The following JADE1 variants were observed in gnomAD, a reference collection of about 807,000 sequenced individuals.
JADE1 encodes the protein protein Jade-1.
JADE1 carries 14 observed loss-of-function variants against 81.8 expected under a neutral mutation model. The ratio of observed to expected loss-of-function variants is 0.17; its 90% CI spans 0.11 to 0.27. The LOEUF is 0.27. Ranked by LOEUF, JADE1 falls within the 10% of genes least tolerant of loss-of-function variation. The pLI, the probability that JADE1 is intolerant of heterozygous loss-of-function variation, is 1.00. For missense variants in JADE1, 690 were observed against 1,047.9 expected (o/e 0.66, Z 4.71); for synonymous variants, 353 against 391.9 (o/e 0.90, Z 1.17).
intron 1 of JADE1, among the ~76,000 whole-genome samples, chr4:128,819,275 TG>T (rs1249410915): frequency 3.9e-5 from 2 of 51,454 alleles, no homozygotes; most frequent in Non-Finnish European, 7.7e-5. Flanking sequence ...AGTGCAATGG[TG>T]GTTTTTTTTT....
intron 2 of JADE1, among the ~76,000 whole-genome samples, chr4:128,833,503 G>A (rs929642882): frequency 6.6e-6 from 1 of 152,184 alleles, no homozygotes; most frequent in African/African-American, 2.4e-5. Flanking sequence ...AAGAGATTGA[G>A]ACCATCCTGG....
chr4:128,844,727 C>A (rs769294089), intron 3 of JADE1, among the ~76,000 whole-genome samples: 1 of 152,008 alleles, frequency 6.6e-6, no homozygotes, highest in East Asian at 1.9e-4. Flanking sequence ...TGGTATTACA[C>A]GTGATTTTTG....
intron 2 of JADE1, among the ~76,000 whole-genome samples, chr4:128,842,545 C>T (rs1233466504): frequency 6.6e-6 from 1 of 152,214 alleles, no homozygotes; most frequent in Admixed American, 6.5e-5. Flanking sequence ...GGTGGTCCAC[C>T]TGCCTTGGCT....
At chr4:128,822,930 G>T (rs1479991332) in intron 1 of JADE1, among the ~76,000 whole-genome samples, 1 of 152,190 alleles carries the variant, frequency 6.6e-6, no homozygotes, top group South Asian at 2.1e-4. Context: ...TATATTTTGG[G>T]TTTTTTCCCT....
chr4:128,823,248 T>TA (rs1307991451), intron 1 of JADE1, among the ~76,000 whole-genome samples: 2 of 152,206 alleles, frequency 1.3e-5, no homozygotes, highest in African/African-American at 4.8e-5. Flanking sequence ...TAGATTGCCT[T>TA]AGAGCTCATA....
In JADE1 at chr4:128,831,531, C is replaced by T; in HGVS notation, c.-26-202C>T. 1.7e-5 allele frequency: 9 copies of T among 535,320 alleles called. No individual in the cohort carries two copies. The South Asian group carries it at 2.2e-4, about 13-fold the overall frequency. 33.2% of individuals were successfully genotyped at this position (535,320 alleles called of 1,614,324 possible). A position where few individuals can be genotyped will look rare whatever the true frequency, so the allele number is the denominator to read the frequency against. ...CCTACTGATATGTGACTTCTCCACCCCTCCCCCTCCTTTTTTAACCTGGTT... is the reference window on the plus strand; with the variant it reads ...CCTACTGATATGTGACTTCTCCACCTCTCCCCCTCCTTTTTTAACCTGGTT... On this transcript the variant is annotated intron_variant, in intron 1 of 10. Transcript: ENST00000226319.
intron 9 of JADE1, chr4:128,862,540 G>A (rs1000974832): frequency 1.7e-6 from 2 of 1,186,942 alleles, no homozygotes; most frequent in Non-Finnish European, 2.1e-6. Flanking sequence ...TAGAGCTAGA[G>A]TGAATGAGCC....
chr4:128,813,170 T>C (rs1726637180), intron 1 of JADE1, among the ~76,000 whole-genome samples: 3 of 152,162 alleles, frequency 2.0e-5, no homozygotes, highest in Non-Finnish European at 4.4e-5. Flanking sequence ...TTTGATCATA[T>C]CACAACTGAT....
rs72296886 is a variant in JADE1 at position 128,813,407 on chromosome 4, C to CTTTTTTTT, written c.-27+3543_-27+3550dup. 5.7e-4 allele frequency among the ~76,000 whole-genome samples: 66 copies of CTTTTTTTT among 115,570 alleles called. 4 individuals carry two copies. Among genetic ancestry groups the CTTTTTTTT allele is most frequent in the Non-Finnish European group, 6.4e-4 (38 of 59,306 alleles). 75.8% of individuals were successfully genotyped at this position (115,570 alleles called of 152,430 possible). On this transcript the variant is annotated intron_variant, in intron 1 of 10. Transcript: ENST00000226319. ...TCTTAGTCTCATTTACTTACGGTCACTTTTTTTTTTTTTTTTTTTTGTTCC... is the reference window on the plus strand; with the variant it reads ...TCTTAGTCTCATTTACTTACGGTCACTTTTTTTTTTTTTTTTTTTTTTTTTTTTGTTCC...
At chr4:128,863,528 T>C in intron 9 of JADE1, 2 of 985,406 alleles carry the variant, frequency 2.0e-6, no homozygotes, top group Non-Finnish European at 1.2e-6. Context: ...GAGATCCTTT[T>C]AATACACGAC....
In JADE1 at chr4:128,846,575, CTCT is replaced by C; in HGVS notation, c.296+49_296+51del. ...ACAGAAGCCTCTCCACCCACCCTTG[CTCT>C]TCTTCCCTGACAGCAGGCATCTGAG... On this transcript the variant is annotated intron_variant, in intron 4 of 10. Transcript: ENST00000226319. The surrounding 1 kb of genome is among the most constrained non-coding windows in gnomAD (Gnocchi z 4.0). The C allele has an allele frequency of 6.3e-7, 1 of 1,599,216 alleles. No individual in the cohort carries two copies. Among genetic ancestry groups the C allele is most frequent in the Non-Finnish European group, 8.5e-7 (1 of 1,170,448 alleles).
At chr4:128,859,791 T>C (rs1731171658) in intron 8 of JADE1, among the ~76,000 whole-genome samples, 1 of 152,158 alleles carries the variant, frequency 6.6e-6, no homozygotes, top group African/African-American at 2.4e-5. Flanking sequence ...ATAATGACTT[T>C]TTTGTTGCCA....
intron 6 of JADE1, among the ~76,000 whole-genome samples, chr4:128,855,114 ATTGCCATCTCATTCAGCAGCT>A (rs1017186186): frequency 4.0e-5 from 6 of 151,808 alleles, no homozygotes; most frequent in Non-Finnish European, 8.8e-5. Flanking sequence ...CTCCTGTTCC[ATTGCCATCTCATTCAGCAGCT>A]TTGGGAGATT....
intron 1 of JADE1, among the ~76,000 whole-genome samples, chr4:128,818,789 T>C (rs1309096891): frequency 1.3e-5 from 2 of 152,218 alleles, no homozygotes; most frequent in African/African-American, 4.8e-5. Context: ...CCTCAACCAT[T>C]TCAATATGTG....
intron 3 of JADE1, among the ~76,000 whole-genome samples, chr4:128,845,329 G>A (rs1248041714): frequency 1.3e-5 from 2 of 152,222 alleles, no homozygotes; most frequent in Admixed American, 6.5e-5. Flanking sequence ...AAGGAATTGG[G>A]GAGCTCTCTC....
rs530365441 is a variant in JADE1 at position 128,871,304 on chromosome 4, T to C, written c.1622-51T>C. The C allele has an allele frequency of 1.6e-5, 25 of 1,530,942 alleles. No individual in the cohort carries two copies. The South Asian group carries it at 2.7e-4, about 16-fold the overall frequency. The allele number at this position is 1,530,942 out of a possible 1,614,324, so 94.8% of individuals were successfully genotyped here. A position where few individuals can be genotyped will look rare whatever the true frequency, so the allele number is the denominator to read the frequency against. On this transcript the variant is annotated intron_variant, in intron 10 of 10. Transcript: ENST00000226319. This position sits in a 1 kb window ranked among gnomAD's most constrained non-coding sequence, Gnocchi z 4.1. ...CTAAGGGTGTAGAATTTTATTCTTT[T>C]GGATTTGCTTCTGCTGTAATTTTTC...
rs1732445554 is a variant in JADE1, at chr4:128,874,702, G to A, written c.*2440G>A. 6.6e-6 allele frequency: 1 copy of A among 152,478 alleles called. No homozygotes were observed. Among genetic ancestry groups the A allele is most frequent in the Non-Finnish European group, 1.5e-5 (1 of 68,018 alleles). The allele number at this position is 152,478 out of a possible 1,614,324, so 9.4% of individuals were successfully genotyped here. ...GCAACCAGCCCAAACACCCACTTGC[G>A]TTCTATTAGTATGGAACCATTTGCA... On this transcript the variant is annotated 3_prime_UTR_variant, in exon 11 of 11. Coordinates refer to ENST00000226319, the MANE Select transcript of JADE1 (RefSeq NM_199320.4).
chr4:128,845,933 A>AT (rs1729838658), intron 3 of JADE1, among the ~76,000 whole-genome samples: 1 of 151,996 alleles, frequency 6.6e-6, no homozygotes, highest in Admixed American at 6.6e-5. Flanking sequence ...CAGAAAAAAA[A>AT]AAAAGGAGAT....
At chr4:128,811,425 G>GCC (rs1451007779) in intron 1 of JADE1, 1 of 151,930 alleles carries the variant, frequency 6.6e-6, no homozygotes, top group African/African-American at 2.4e-5. Flanking sequence ...GCCGAGGGCG[G>GCC]CGGGGGAGGG....
Sources: allele counts gnomAD v4.1 joint callset (sites outside exome capture counted in the v4.1 genomes callset), GRCh38; gene constraint gnomAD v4.1.1; non-coding constraint Gnocchi (gnomAD v3.1); transcripts MANE v1.5; gene names NCBI Gene and HGNC (gene_info 2026-07-23, HGNC 2026-07-21).